SH2D4B: variants seen among roughly 807,000 people sequenced by gnomAD.
SH2D4B encodes the protein SH2 domain containing 4B, also known as SH2 domain-containing protein 4B.
In SH2D4B, 45 loss-of-function variants were observed where a neutral mutation model predicts 61.5. The observed-to-expected ratio is 0.73, with a 90% CI of 0.58 to 0.94. The LOEUF (loss-of-function observed/expected upper bound fraction) is 0.94. Ranked by LOEUF, SH2D4B falls within the 40% of genes least tolerant of loss-of-function variation. The pLI is 0.00. For missense variants in SH2D4B, 572 were observed against 574.2 expected, an observed-to-expected ratio of 1.00 and a Z score of 0.04; for synonymous variants, 224 against 220.4, an observed-to-expected ratio of 1.02 and a Z score of -0.14.
intron 5 of SH2D4B, among the ~76,000 whole-genome samples, chr10:80,608,337 C>T (rs1336345575): frequency 3.3e-5 from 5 of 151,982 alleles, no homozygotes; most frequent in African/African-American, 9.7e-5. Context: ...GATGAGGGAG[C>T]AGATCAGGCC....
intron 3 of SH2D4B, among the ~76,000 whole-genome samples, chr10:80,584,827 G>A (rs1385877609): frequency 6.6e-6 from 1 of 152,178 alleles, no homozygotes. Context: ...AAATATGCAT[G>A]TGCCAAAAAA....
intron 4 of SH2D4B, among the ~76,000 whole-genome samples, chr10:80,601,537 T>C (rs575770116): frequency 1.3e-5 from 2 of 152,298 alleles, no homozygotes; most frequent in South Asian, 4.1e-4. Context: ...CTGCCGACTG[T>C]GTTCTTGGCA....
rs181968857 is a variant in SH2D4B at position 80,644,788 on chromosome 10, C to G, written c.*703C>G. ...GGTTTTGCAATGGTTTTATGTCATCCTACAGATGTCTTCAAGACCTGGGGT... is the reference window on the plus strand; with the variant it reads ...GGTTTTGCAATGGTTTTATGTCATCGTACAGATGTCTTCAAGACCTGGGGT... On this transcript the variant is annotated 3_prime_UTR_variant, in exon 8 of 8. Coordinates refer to ENST00000646907, the MANE Select transcript of SH2D4B (RefSeq NM_001388272.1). 6.6e-6 allele frequency: 1 copy of G among 152,286 alleles called. No individual in the cohort carries two copies. Among genetic ancestry groups the G allele is most frequent in the East Asian group, 1.9e-4 (1 of 5,190 alleles). 9.4% of individuals were successfully genotyped at this position (152,286 alleles called of 1,614,324 possible). A position where few individuals can be genotyped will look rare whatever the true frequency, so the allele number is the denominator to read the frequency against.
intron 7 of SH2D4B, among the ~76,000 whole-genome samples, chr10:80,639,546 T>C (rs1309677565): frequency 6.6e-6 from 1 of 152,236 alleles, no homozygotes; most frequent in Non-Finnish European, 1.5e-5. Context: ...TGGCCTTCTT[T>C]GTCTCTTTTG....
chr10:80,624,757 A>G (rs1842752634), intron 6 of SH2D4B, among the ~76,000 whole-genome samples: 1 of 152,238 alleles, frequency 6.6e-6, no homozygotes, highest in Non-Finnish European at 1.5e-5. Context: ...AAAACTGATT[A>G]GTGACTCTGT....
intron 6 of SH2D4B, among the ~76,000 whole-genome samples, chr10:80,626,825 T>C (rs1842772402): frequency 6.6e-6 from 1 of 152,238 alleles, no homozygotes; most frequent in African/African-American, 2.4e-5. Context: ...ATCCTTTGCA[T>C]GAGACAACAT....
intron 1 of SH2D4B, among the ~76,000 whole-genome samples, chr10:80,542,678 G>A (rs1305970737): frequency 1.3e-5 from 2 of 151,960 alleles, no homozygotes; most frequent in African/African-American, 4.8e-5. Context: ...TTACAGGCAC[G>A]AGCCACTGTG....
At chr10:80,591,349 A>G (rs12246043) in intron 4 of SH2D4B, among the ~76,000 whole-genome samples, 12,875 of 152,034 alleles carry the variant, frequency 0.085, 606 homozygotes, top group African/African-American at 0.12. Context: ...ACTTACAAAG[A>G]AAATAAATCT....
intron 1 of SH2D4B, among the ~76,000 whole-genome samples, chr10:80,556,714 C>T (rs1257845285): frequency 6.6e-6 from 1 of 152,118 alleles, no homozygotes; most frequent in Admixed American, 6.6e-5. Context: ...TGCTAAAATA[C>T]AGAAATACAA....
chr10:80,580,481 G>A (rs1473716351), intron 3 of SH2D4B, among the ~76,000 whole-genome samples: 1 of 152,174 alleles, frequency 6.6e-6, no homozygotes, highest in Non-Finnish European at 1.5e-5. Context: ...TGAAAAGGGA[G>A]GGGCAGCATC....
At chr10:80,597,875 T>C (rs2132135946) in intron 4 of SH2D4B, among the ~76,000 whole-genome samples, 1 of 152,230 alleles carries the variant, frequency 6.6e-6, no homozygotes, top group South Asian at 2.1e-4. Context: ...TCATGGCACG[T>C]GTTGCAGTGT....
At chr10:80,626,206 C>A (rs1331256676) in intron 6 of SH2D4B, among the ~76,000 whole-genome samples, 4 of 151,932 alleles carry the variant, frequency 2.6e-5, no homozygotes, top group Non-Finnish European at 5.9e-5. Flanking sequence ...TAGAAATCAA[C>A]CAGCTCAAAT....
At chr10:80,550,690 G>A (rs1270328239) in intron 1 of SH2D4B, among the ~76,000 whole-genome samples, 2 of 152,170 alleles carry the variant, frequency 1.3e-5, no homozygotes, top group Non-Finnish European at 2.9e-5. Context: ...CATCCTGATT[G>A]AAGAAATGTT....
intron 6 of SH2D4B, among the ~76,000 whole-genome samples, chr10:80,624,128 A>G (rs1842747291): frequency 6.6e-6 from 1 of 152,156 alleles, no homozygotes; most frequent in African/African-American, 2.4e-5. Context: ...GATCCCCTCC[A>G]TTCCTCACTG....
At chr10:80,549,083 C>A (rs1015980275) in intron 1 of SH2D4B, among the ~76,000 whole-genome samples, 1 of 152,042 alleles carries the variant, frequency 6.6e-6, no homozygotes, top group Non-Finnish European at 1.5e-5. Context: ...TGGTAACTGT[C>A]GGCACAGCCT....
rs1433602910 is a variant in SH2D4B at position 80,634,462 on chromosome 10, C to T, written c.1166C>T (p.Pro389Leu). 1 of 1,550,318 alleles carries T rather than the reference C, an allele frequency of 6.5e-7. No homozygotes were observed. Among genetic ancestry groups the T allele is most frequent in the African/African-American group, 1.4e-5 (1 of 72,990 alleles). Residue 389 changes from proline to leucine, a missense_variant, in exon 7 of 8, where the codon CCC becomes CTC. Physicochemically the swap from Pro to Leu is moderately conservative, Grantham distance 98 (BLOSUM62 -3). Transcript: ENST00000646907. ...GDFYSFLGVDPNRHATLTDLV... is the reference protein window; with the variant it reads ...GDFYSFLGVDLNRHATLTDLV... ...TTTTACAGCTTCCTGGGAGTGGACC[C>T]CAATCGCCATGCAACGCTCACGGAT... is the stretch of plus-strand genomic sequence containing the variant.
At chr10:80,635,711 A>G (rs1186649297) in intron 7 of SH2D4B, among the ~76,000 whole-genome samples, 2 of 152,208 alleles carry the variant, frequency 1.3e-5, no homozygotes, top group African/African-American at 4.8e-5. Context: ...CTCTGTGTCA[A>G]GCACTGAACC....
chr10:80,552,243 G>C (rs375471755), intron 1 of SH2D4B, among the ~76,000 whole-genome samples: 1 of 152,176 alleles, frequency 6.6e-6, no homozygotes, highest in Non-Finnish European at 1.5e-5. Context: ...GTGATCAGTG[G>C]ACCAGCAGGG....
chr10:80,572,795 T>G (rs561281499), intron 3 of SH2D4B, among the ~76,000 whole-genome samples: 112 of 149,176 alleles, frequency 7.5e-4, no homozygotes, highest in Non-Finnish European at 7.0e-4. Context: ...AATTTTTGTA[T>G]TTTTAGTAGA....
Sources: gnomAD v4.1 joint callset for allele counts (sites outside exome capture counted in the v4.1 genomes callset) on GRCh38, gnomAD v4.1.1 for gene constraint, MANE v1.5 for transcripts, NCBI Gene and HGNC (gene_info 2026-07-23, HGNC 2026-07-21) for gene names.